Variants in EBF4 observed in about 807,000 individuals in gnomAD.
EBF4 encodes transcription factor COE4.
EBF4 carries 34 observed loss-of-function variants against 67.1 expected under a neutral mutation model. The ratio of observed to expected loss-of-function variants is 0.51; its 90% CI spans 0.39 to 0.67. EBF4 has a LOEUF of 0.67. EBF4 is among the 30% of genes least tolerant of loss of function. The pLI, the probability that EBF4 is intolerant of heterozygous loss-of-function variation, is 0.00. For synonymous variants in EBF4, 387 were observed against 377.7 expected, an observed-to-expected ratio of 1.02 and a Z score of -0.29; for missense variants, 837 against 873.3, an observed-to-expected ratio of 0.96 and a Z score of 0.52.
intron 6 of EBF4, among the ~76,000 whole-genome samples, chr20:2,743,266 C>T (rs981342267): frequency 2.0e-5 from 3 of 152,194 alleles, no homozygotes; most frequent in South Asian, 2.1e-4. Flanking sequence ...TCTGTCTCCC[C>T]CTGGTGGGCA....
At chr20:2,723,087 A>T (rs2087703268) in intron 6 of EBF4, among the ~76,000 whole-genome samples, 1 of 152,324 alleles carries the variant, frequency 6.6e-6, no homozygotes, top group South Asian at 2.1e-4. Context: ...TTTTTGACAC[A>T]TATATATTAT....
At position 2,716,451 on chromosome 20, in the gene EBF4, C is replaced by T. The variant is rs181911240; in HGVS notation, c.557+6809C>T. Among the ~76,000 whole-genome samples, 1,220 of 151,444 alleles carry T rather than the reference C, an allele frequency of 8.1e-3. 14 individuals are homozygous for T. Among genetic ancestry groups the T allele is most frequent in the South Asian group, 0.039 (186 of 4,802 alleles). ...GGCTGAGGCAGGAGAATCGCTTGAACTCAGGAGGCGGAGGTTGTGGTGAGC... is the reference window on the plus strand; with the variant it reads ...GGCTGAGGCAGGAGAATCGCTTGAATTCAGGAGGCGGAGGTTGTGGTGAGC... On this transcript the variant is annotated intron_variant, in intron 6 of 16. Coordinates refer to ENST00000609451, the Ensembl canonical transcript of EBF4.
intron 5 of EBF4, among the ~76,000 whole-genome samples, chr20:2,708,383 G>T (rs1319607087): frequency 6.6e-6 from 1 of 152,214 alleles, no homozygotes; most frequent in Non-Finnish European, 1.5e-5. Flanking sequence ...AATCTTTGAG[G>T]AAATTTTGAA....
rs2088139076 is a variant in EBF4 at position 2,751,151 on chromosome 20, G to C, written c.1019-549G>C. ...CACGTGGAGATGCAATGTAGAATCTGGCCGCTGGCCGGATCTTCTCTACTT... is the reference window on the plus strand; with the variant it reads ...CACGTGGAGATGCAATGTAGAATCTCGCCGCTGGCCGGATCTTCTCTACTT... On this transcript the variant is annotated intron_variant, in intron 10 of 16. Coordinates refer to ENST00000609451, the Ensembl canonical transcript of EBF4. The surrounding 1 kb of genome is among the most constrained non-coding windows in gnomAD (Gnocchi z 5.2). 1.3e-5 allele frequency among the ~76,000 whole-genome samples: 2 copies of C among 152,108 alleles called. No homozygotes were observed. The highest frequency in any genetic ancestry group is 1.5e-5 in the Non-Finnish European group (1 of 68,030).
At chr20:2,725,409 C>T (rs2087734946) in intron 6 of EBF4, among the ~76,000 whole-genome samples, 2 of 152,006 alleles carry the variant, frequency 1.3e-5, no homozygotes, top group African/African-American at 4.8e-5. Flanking sequence ...AGATCTTTTG[C>T]AATATGTCTA....
chr20:2,738,192 C>G (rs1389974249), intron 6 of EBF4, among the ~76,000 whole-genome samples: 1 of 152,124 alleles, frequency 6.6e-6, no homozygotes. Context: ...TCACCTGATT[C>G]ATAGATAAGA....
At position 2,694,071 on chromosome 20, in the gene EBF4, G is replaced by A. The variant is rs1329897784; in HGVS notation, c.137+289G>A. Among the ~76,000 whole-genome samples, 3 of 152,248 alleles carry A rather than the reference G, an allele frequency of 2.0e-5. No homozygotes were observed. In the East Asian group the frequency reaches 5.8e-4, roughly 29 times the overall value. The stretch of plus-strand genomic sequence containing the variant: ...CCAGCCGGGCTGTCTATGGCTCTGA[G>A]AGAAGAGGCAGAGCTCCCAGCCATG... On this transcript the variant is annotated intron_variant, in intron 1 of 16. Transcript: ENST00000609451.
rs1031820316 is a variant in EBF4 at position 2,745,818 on chromosome 20, C to T, written c.558-2731C>T. 6.6e-6 allele frequency among the ~76,000 whole-genome samples: 1 copy of T among 152,166 alleles called. No individual in the cohort carries two copies. Among genetic ancestry groups the T allele is most frequent in the Non-Finnish European group, 1.5e-5 (1 of 68,030 alleles). ...CAGAGAGTCCAGGCCTGGCCAGAGC[C>T]CCTATCTTGGCCCCTTCCCAAGGAC... On this transcript the variant is annotated intron_variant, in intron 6 of 16. Coordinates refer to ENST00000609451, the Ensembl canonical transcript of EBF4. The surrounding 1 kb of genome is among the most constrained non-coding windows in gnomAD (Gnocchi z 5.2).
chr20:2,698,058 G>A (rs1411409031), intron 1 of EBF4, among the ~76,000 whole-genome samples: 1 of 152,198 alleles, frequency 6.6e-6, no homozygotes, highest in African/African-American at 2.4e-5. Flanking sequence ...CTGTGGGTGG[G>A]TGGCGAGAGG....
intron 6 of EBF4, among the ~76,000 whole-genome samples, chr20:2,717,808 G>A (rs1406415737): frequency 6.6e-6 from 1 of 150,610 alleles, no homozygotes; most frequent in Non-Finnish European, 1.5e-5. Context: ...GTGGTAGTGG[G>A]CATTCTTTTT....
At chr20:2,753,960 A>AT (rs1378918498) in intron 14 of EBF4, among the ~76,000 whole-genome samples, 4 of 8,706 alleles carry the variant, frequency 4.6e-4, no homozygotes, top group Non-Finnish European at 9.6e-4. Context: ...CTCTGTGGGC[A>AT]CCCCCTTGGG....
At chr20:2,703,141 C>A (rs533825411) in intron 1 of EBF4, among the ~76,000 whole-genome samples, 2 of 151,764 alleles carry the variant, frequency 1.3e-5, no homozygotes. Context: ...CCTGTAGTCC[C>A]AGCTAGTCAG....
In EBF4 at chr20:2,749,771, G is replaced by C; in HGVS notation, c.891+18G>C. On this transcript the variant is annotated intron_variant, in intron 9 of 16. Transcript: ENST00000609451. ...GGAGCGAGGTGGGCCAACCCCGCCA[G>C]TCTCCCTCTGGGCCTAGGGGCTGGG... 7.3e-6 allele frequency: 11 copies of C among 1,499,258 alleles called. No individual in the cohort carries two copies. The highest frequency in any genetic ancestry group is 9.8e-6 in the Non-Finnish European group (11 of 1,123,680). 92.9% of individuals were successfully genotyped at this position (1,499,258 alleles called of 1,614,324 possible).
chr20:2,693,463 G>A (rs1015148542), upstream of EBF4: 4 of 602,072 alleles, frequency 6.6e-6, no homozygotes, highest in East Asian at 3.5e-5. The surrounding 1 kb of genome is among the most constrained non-coding windows in gnomAD (Gnocchi z 4.6). Context: ...GGACAGCGCC[G>A]GCGCCCGCGG....
chr20:2,736,339 G>T (rs995612507), intron 6 of EBF4, among the ~76,000 whole-genome samples: 1 of 152,132 alleles, frequency 6.6e-6, no homozygotes, highest in Non-Finnish European at 1.5e-5. Flanking sequence ...CGAGCCACCT[G>T]GCAAAGGTAA....
intron 6 of EBF4, among the ~76,000 whole-genome samples, chr20:2,722,583 T>C (rs1317902899): frequency 3.3e-5 from 5 of 152,216 alleles, no homozygotes; most frequent in African/African-American, 1.2e-4. Flanking sequence ...CTCTATCTCC[T>C]CAACTCTGGG....
At position 2,756,237 on chromosome 20, in the gene EBF4, T is replaced by C. The variant is rs1216167982; in HGVS notation, c.1738+413T>C. On this transcript the variant is annotated intron_variant, in intron 15 of 16. Coordinates refer to ENST00000609451, the Ensembl canonical transcript of EBF4. The surrounding 1 kb of genome is among the most constrained non-coding windows in gnomAD (Gnocchi z 4.5). The stretch of plus-strand genomic sequence containing the variant: ...GCACACACCACTGTGAGGGACTGGG[T>C]CGCTGACCATGGAAGGGGACTGACC... 6.6e-6 allele frequency among the ~76,000 whole-genome samples: 1 copy of C among 152,202 alleles called. No individual in the cohort carries two copies. The highest frequency in any genetic ancestry group is 2.4e-5 in the African/African-American group (1 of 41,458).
chr20:2,701,386 T>C (rs533766159), intron 1 of EBF4, among the ~76,000 whole-genome samples: 4 of 152,204 alleles, frequency 2.6e-5, no homozygotes, highest in Non-Finnish European at 4.4e-5. Flanking sequence ...CAGGTCCCTG[T>C]GCCCTTGCTC....
chr20:2,735,509 C>G (rs2087865583), intron 6 of EBF4, among the ~76,000 whole-genome samples: 1 of 152,184 alleles, frequency 6.6e-6, no homozygotes, highest in South Asian at 2.1e-4. Flanking sequence ...TTGATTTTGA[C>G]CATGTTTGCC....
Sources: allele counts gnomAD v4.1 joint callset (sites outside exome capture counted in the v4.1 genomes callset), GRCh38; gene constraint gnomAD v4.1.1; non-coding constraint Gnocchi (gnomAD v3.1); transcripts MANE v1.5; gene names NCBI Gene and HGNC (gene_info 2026-07-23, HGNC 2026-07-21).